The following CACNA2D3 variants were observed in gnomAD, a reference collection of about 807,000 sequenced individuals.
CACNA2D3 encodes the protein voltage-dependent calcium channel subunit alpha-2/delta-3.
A neutral mutation model predicts 160.6 loss-of-function variants in CACNA2D3; 60 were observed. The observed-to-expected ratio is 0.37, with a 90% CI of 0.30 to 0.46. The LOEUF is 0.46. Ranked by LOEUF, CACNA2D3 falls within the 20% of genes least tolerant of loss-of-function variation. The pLI, the probability that CACNA2D3 is intolerant of heterozygous loss-of-function variation, is 1.00. For synonymous variants in CACNA2D3, 558 were observed against 492.9 expected, an observed-to-expected ratio of 1.13 and a Z score of -1.75; for missense variants, 1,205 against 1,365.0, an observed-to-expected ratio of 0.88 and a Z score of 1.85.
At chr3:54,375,975 G>T (rs1213596010) in intron 3 of CACNA2D3, among the ~76,000 whole-genome samples, 1 of 152,152 alleles carries the variant, frequency 6.6e-6, no homozygotes, top group African/African-American at 2.4e-5. Context: ...AAAGCAAGTG[G>T]TCTCTCTGCC....
intron 17 of CACNA2D3, among the ~76,000 whole-genome samples, chr3:54,862,957 A>G (rs533092761): frequency 1.3e-5 from 2 of 152,320 alleles, no homozygotes; most frequent in East Asian, 1.9e-4. Flanking sequence ...CACATACCCA[A>G]AAGTCTTTTG....
intron 4 of CACNA2D3, among the ~76,000 whole-genome samples, chr3:54,431,655 C>T (rs1699992631): frequency 6.6e-6 from 1 of 152,138 alleles, no homozygotes. Context: ...CTGTGTTGCC[C>T]AGGCTGGAGT....
chr3:54,327,274 G>A (rs771046829), intron 3 of CACNA2D3, among the ~76,000 whole-genome samples: 14 of 152,220 alleles, frequency 9.2e-5, no homozygotes, highest in Non-Finnish European at 1.3e-4. Flanking sequence ...GGGGGTACAT[G>A]CTTACCACTA....
At chr3:54,798,756 C>A (rs186602049) in intron 13 of CACNA2D3, among the ~76,000 whole-genome samples, 4 of 152,302 alleles carry the variant, frequency 2.6e-5, no homozygotes, top group Admixed American at 2.6e-4. Context: ...AACCCACTAG[C>A]GAGCAGCAGC....
chr3:54,943,134 C>T (rs1006774365), intron 27 of CACNA2D3, among the ~76,000 whole-genome samples: 2 of 150,162 alleles, frequency 1.3e-5, no homozygotes, highest in South Asian at 2.1e-4. Context: ...CCCAGGAGTT[C>T]GAGGCTACAG....
intron 11 of CACNA2D3, among the ~76,000 whole-genome samples, chr3:54,744,639 T>C (rs1198842183): frequency 6.6e-6 from 1 of 152,236 alleles, no homozygotes; most frequent in Non-Finnish European, 1.5e-5. Flanking sequence ...AAAAATCCCA[T>C]TCTTCACCCA....
intron 5 of CACNA2D3, among the ~76,000 whole-genome samples, chr3:54,509,597 G>A (rs561691869): frequency 6.6e-6 from 1 of 152,068 alleles, no homozygotes; most frequent in Non-Finnish European, 1.5e-5. Context: ...CTCGCACATG[G>A]TCTGTTGGTA....
In CACNA2D3 at chr3:54,585,046, A is replaced by T. The variant is rs1325519738; in HGVS notation, c.963+3169A>T. On this transcript the variant is annotated intron_variant, in intron 9 of 37. Coordinates refer to ENST00000474759, the MANE Select transcript of CACNA2D3 (RefSeq NM_018398.3). ...GGAATTCTCTAAACAGAAAGGAAATAAGGAAAGAAAGCTTGGAAATTCAGA... is the reference window on the plus strand; with the variant it reads ...GGAATTCTCTAAACAGAAAGGAAATTAGGAAAGAAAGCTTGGAAATTCAGA... Among the ~76,000 whole-genome samples, 7 of 152,330 alleles carry T rather than the reference A, an allele frequency of 4.6e-5. 2 individuals are homozygous for T. In the South Asian group the frequency reaches 1.4e-3, roughly 32 times the overall value.
chr3:54,925,052 T>C, intron 27 of CACNA2D3: 1 of 1,614,110 alleles, frequency 6.2e-7, no homozygotes. Context: ...GATTATCTTG[T>C]AAATGCAGCG....
chr3:54,736,563 CTTG>C (rs1459716801), intron 11 of CACNA2D3, among the ~76,000 whole-genome samples: 6 of 152,166 alleles, frequency 3.9e-5, no homozygotes, highest in Non-Finnish European at 8.8e-5. Flanking sequence ...TCCCAATACC[CTTG>C]TTGTTAACAC....
intron 3 of CACNA2D3, among the ~76,000 whole-genome samples, chr3:54,376,241 AG>A (rs62933962): frequency 0.25 from 38,456 of 151,982 alleles, 4,963 homozygotes; most frequent in Middle Eastern, 0.33. Context: ...GACTAGGCAG[AG>A]GGAGGCTCCC....
At chr3:55,022,759 G>C (rs558917197) in intron 35 of CACNA2D3, among the ~76,000 whole-genome samples, 85 of 143,252 alleles carry the variant, frequency 5.9e-4, no homozygotes, top group Non-Finnish European at 1.2e-3. Flanking sequence ...TCCTTTAGTA[G>C]TTGCCCTTTG....
At chr3:54,445,579 C>CACACACACAT (rs947833501) in intron 4 of CACNA2D3, among the ~76,000 whole-genome samples, 5 of 151,862 alleles carry the variant, frequency 3.3e-5, no homozygotes, top group African/African-American at 1.2e-4. Flanking sequence ...CACACACACA[C>CACACACACAT]ACACACACAC....
intron 35 of CACNA2D3, among the ~76,000 whole-genome samples, chr3:55,063,726 C>T (rs1332946897): frequency 6.6e-6 from 1 of 151,992 alleles, no homozygotes; most frequent in Admixed American, 6.6e-5. Flanking sequence ...TGCAGACCAT[C>T]GGGTAGATGA....
At chr3:55,026,514 G>A (rs1023113628) in intron 35 of CACNA2D3, among the ~76,000 whole-genome samples, 2 of 152,174 alleles carry the variant, frequency 1.3e-5, no homozygotes, top group African/African-American at 4.8e-5. Flanking sequence ...ATGTTACACG[G>A]GGGTCGCAGA....
chr3:54,303,818 G>GTTTTTTTTTTTTTTTTGTTTTTTTT (rs1703532202), intron 2 of CACNA2D3, among the ~76,000 whole-genome samples: 1 of 115,006 alleles, frequency 8.7e-6, no homozygotes, highest in African/African-American at 3.4e-5. Context: ...CTTTTTTTCT[G>GTTTTTTTTTTTTTTTTGTTTTTTTT]TTTTTTTTTT....
chr3:54,606,244 G>A lies in CACNA2D3; in HGVS notation c.964-21543G>A, dbSNP rs1388702372. Among the ~76,000 whole-genome samples, 73 of 152,140 alleles carry A rather than the reference G, an allele frequency of 4.8e-4. 3 individuals carry two copies. The highest frequency in any genetic ancestry group is 4.7e-3 in the Admixed American group (72 of 15,270). ...TATACTTTTCAGGGGCTGGAGAGCA[G>A]CCTTTCTAGGGTTGAAGGAGTTATT... On this transcript the variant is annotated intron_variant, in intron 9 of 37. Coordinates refer to ENST00000474759, the MANE Select transcript of CACNA2D3 (RefSeq NM_018398.3).
chr3:54,501,586 AT>A (rs752245060), intron 4 of CACNA2D3, among the ~76,000 whole-genome samples: 499 of 143,328 alleles, frequency 3.5e-3, no homozygotes, highest in African/African-American at 4.2e-3. Context: ...TGCCTGACTA[AT>A]TTTTTTTTTT....
chr3:54,661,026 G>A (rs931211926), intron 11 of CACNA2D3, among the ~76,000 whole-genome samples: 3 of 152,120 alleles, frequency 2.0e-5, no homozygotes, highest in Admixed American at 2.0e-4. Flanking sequence ...GCCGCTTGCC[G>A]AGCCTTATTG....
Sources: gnomAD v4.1 joint callset for allele counts (sites outside exome capture counted in the v4.1 genomes callset) on GRCh38, gnomAD v4.1.1 for gene constraint, MANE v1.5 for transcripts, NCBI Gene and HGNC (gene_info 2026-07-23, HGNC 2026-07-21) for gene names.